NAV2: variants seen among roughly 807,000 people sequenced by gnomAD.
NAV2 encodes neuron navigator 2.
A neutral mutation model predicts 223.2 loss-of-function variants in NAV2; 54 were observed. The observed-to-expected ratio is 0.24, with a 90% CI of 0.19 to 0.30. The LOEUF (loss-of-function observed/expected upper bound fraction) is 0.30. Among genes scored for constraint, NAV2 ranks in the 10% least tolerant of loss-of-function variants. The pLI is 1.00. For synonymous variants in NAV2, 1,279 were observed against 1,239.3 expected, an observed-to-expected ratio of 1.03 and a Z score of -0.67; for missense variants, 2,806 against 3,147.5, an observed-to-expected ratio of 0.89 and a Z score of 2.60.
chr11:19,906,872 C>A (rs1470620574), intron 6 of NAV2, among the ~76,000 whole-genome samples: 5 of 152,152 alleles, frequency 3.3e-5, no homozygotes, highest in African/African-American at 1.2e-4. Context: ...TATTCACAGG[C>A]CTACACTTCT....
At chr11:19,485,928 G>A (rs1214736154) in intron 1 of NAV2, among the ~76,000 whole-genome samples, 1 of 152,086 alleles carries the variant, frequency 6.6e-6, no homozygotes, top group Non-Finnish European at 1.5e-5. Flanking sequence ...GAACCTGATT[G>A]CAGGGCAGGA....
chr11:19,505,716 C>T (rs902025139), intron 1 of NAV2: 1 of 152,202 alleles, frequency 6.6e-6, no homozygotes, highest in Non-Finnish European at 1.5e-5. Context: ...CCAATTTTCA[C>T]ATGCAGCCTA....
At chr11:19,674,691 C>G (rs2135832344) in intron 1 of NAV2, among the ~76,000 whole-genome samples, 1 of 152,314 alleles carries the variant, frequency 6.6e-6, no homozygotes, top group South Asian at 2.1e-4. Flanking sequence ...CTGGGCACTT[C>G]TCTGCCTGGA....
intron 11 of NAV2, among the ~76,000 whole-genome samples, chr11:20,014,968 T>C (rs1479902064): frequency 1.3e-5 from 2 of 151,948 alleles, no homozygotes; most frequent in East Asian, 3.9e-4. Flanking sequence ...TGATGGCACA[T>C]GCCAGTAGTC....
intron 6 of NAV2, among the ~76,000 whole-genome samples, chr11:19,908,362 C>T (rs536914651): frequency 1.3e-5 from 2 of 152,194 alleles, no homozygotes; most frequent in Admixed American, 6.5e-5. Context: ...TTGGCCCACC[C>T]GTTCACTCCC....
At chr11:19,577,718 G>C (rs1049370701) in intron 1 of NAV2, among the ~76,000 whole-genome samples, 2 of 152,210 alleles carry the variant, frequency 1.3e-5, no homozygotes, top group African/African-American at 4.8e-5. Flanking sequence ...GTGGATGGGG[G>C]TGTGGGTTGG....
chr11:20,091,027 C>T lies in NAV2; in HGVS notation c.5652+9C>T. The T allele has an allele frequency of 6.2e-7, 1 of 1,612,194 alleles. No homozygotes were observed. Among genetic ancestry groups the T allele is most frequent in the Non-Finnish European group, 8.5e-7 (1 of 1,179,706 alleles). ...CCATGAACAGGATGCAGGTGAGAGC[C>T]CAGGAGCATGGGCTGAGCTCAAGGC... is the stretch of plus-strand genomic sequence containing the variant. On this transcript the variant is annotated intron_variant, in intron 27 of 37. Transcript: ENST00000349880.
chr11:19,900,864 G>C (rs4757857), intron 6 of NAV2, among the ~76,000 whole-genome samples: 2 of 152,038 alleles, frequency 1.3e-5, no homozygotes. Context: ...TCAAATTCTC[G>C]TCCAAAAGAG....
In NAV2 at chr11:19,714,245, C is replaced by CA. The variant is rs749422677; in HGVS notation, c.267+289dup. 3.4e-4 allele frequency: 221 copies of CA among 655,332 alleles called. 1 individual carries two copies. Among genetic ancestry groups the CA allele is most frequent in the Non-Finnish European group, 5.0e-4 (179 of 355,482 alleles). 40.6% of individuals were successfully genotyped at this position (655,332 alleles called of 1,614,324 possible). On this transcript the variant is annotated intron_variant, in intron 1 of 37. Coordinates refer to ENST00000349880, the MANE Select transcript of NAV2 (RefSeq NM_145117.5). ...GGAGGAGGAAAGGTCGGGATGTTCT[C>CA]AAAAAACGTGTGCATCGCTGGAAAT...
chr11:19,405,058 C>T (rs1849836538), intron 1 of NAV2, among the ~76,000 whole-genome samples: 2 of 152,112 alleles, frequency 1.3e-5, no homozygotes, highest in African/African-American at 4.8e-5. Flanking sequence ...AATATTTTGT[C>T]CCTGGTCCGT....
At chr11:20,097,413 C>A (rs1246018632) in intron 30 of NAV2, among the ~76,000 whole-genome samples, 164 bp from the exon 31 acceptor site, 1 of 152,092 alleles carries the variant, frequency 6.6e-6, no homozygotes, top group Non-Finnish European at 1.5e-5. Flanking sequence ...CGGGCTTTAT[C>A]CCCTTAGAAA....
chr11:19,353,067 C>T (rs560935343), intron 1 of NAV2, among the ~76,000 whole-genome samples: 13 of 152,286 alleles, frequency 8.5e-5, no homozygotes, highest in African/African-American at 2.9e-4. Flanking sequence ...GAAAACTCCT[C>T]TTCAGGGGGG....
At chr11:20,019,697 G>A (rs1052161598) in intron 11 of NAV2, among the ~76,000 whole-genome samples, 9 of 151,986 alleles carry the variant, frequency 5.9e-5, no homozygotes, top group African/African-American at 1.2e-4. Context: ...ATTGAGAAGC[G>A]CAGTTAGGGA....
chr11:19,786,849 G>A (rs1226467921), intron 1 of NAV2, among the ~76,000 whole-genome samples: 1 of 152,154 alleles, frequency 6.6e-6, no homozygotes, highest in African/African-American at 2.4e-5. Flanking sequence ...GTTAAGGTGG[G>A]TGTGGTAGCG....
intron 1 of NAV2, among the ~76,000 whole-genome samples, chr11:19,695,576 G>A (rs959397189): frequency 6.6e-6 from 1 of 152,116 alleles, no homozygotes; most frequent in African/African-American, 2.4e-5. Flanking sequence ...AAAGAGTTTT[G>A]TCCCTTCTGG....
chr11:19,578,251 T>A (rs1011324233), intron 1 of NAV2, among the ~76,000 whole-genome samples: 1 of 152,234 alleles, frequency 6.6e-6, no homozygotes, highest in Non-Finnish European at 1.5e-5. Context: ...AAATTAACGC[T>A]GCGCGTGCTG....
At chr11:19,603,222 C>G (rs1244473174) in intron 1 of NAV2, among the ~76,000 whole-genome samples, 2 of 152,166 alleles carry the variant, frequency 1.3e-5, no homozygotes, top group African/African-American at 4.8e-5. Flanking sequence ...TAAGCAGATC[C>G]TTCTGGCTGC....
intron 10 of NAV2, among the ~76,000 whole-genome samples, chr11:19,964,734 C>T (rs1469392199): frequency 1.3e-5 from 2 of 150,290 alleles, no homozygotes; most frequent in Non-Finnish European, 3.0e-5. Flanking sequence ...CTCCTAGCCT[C>T]AAGTGATCCT....
chr11:19,491,571 G>T (rs995051486), intron 1 of NAV2, among the ~76,000 whole-genome samples: 2 of 152,128 alleles, frequency 1.3e-5, no homozygotes, highest in African/African-American at 4.8e-5. Flanking sequence ...AGAGATTTAG[G>T]TCGTGTCTCT....
Sources: allele counts gnomAD v4.1 joint callset (sites outside exome capture counted in the v4.1 genomes callset), GRCh38; gene constraint gnomAD v4.1.1; transcripts MANE v1.5; gene names NCBI Gene and HGNC (gene_info 2026-07-23, HGNC 2026-07-21).